The following EEA1 variants were observed in gnomAD, a reference collection of about 807,000 sequenced individuals.
EEA1 encodes early endosome antigen 1, 162kD.
In EEA1, 111 loss-of-function variants were observed where a neutral mutation model predicts 209.2. That is an observed-to-expected ratio of 0.53 (90% CI 0.45 to 0.62). EEA1 has a LOEUF of 0.62. EEA1 is among the 20% of genes least tolerant of loss of function. EEA1 has a pLI of 0.00. For missense variants in EEA1, 1,343 were observed against 1,530.8 expected (o/e 0.88, Z 2.05); for synonymous variants, 536 against 540.6 (o/e 0.99, Z 0.12).
intron 5 of EEA1, among the ~76,000 whole-genome samples, chr12:92,854,260 T>C (rs1877765429): frequency 6.6e-6 from 1 of 152,192 alleles, no homozygotes; most frequent in Non-Finnish European, 1.5e-5. Flanking sequence ...GCACAATTAT[T>C]GTAATTATAA....
At chr12:92,858,134 C>T (rs1417000192) in intron 3 of EEA1, 1 of 581,114 alleles carries the variant, frequency 1.7e-6, no homozygotes, top group Non-Finnish European at 3.2e-6. Flanking sequence ...GGGCACATTC[C>T]TCTTCACCTC....
At chr12:92,858,495 T>C in intron 3 of EEA1, 1 of 945,990 alleles carries the variant, frequency 1.1e-6, no homozygotes, top group South Asian at 1.3e-5. Flanking sequence ...GGGCTTGATG[T>C]TTGGCTACGC....
chr12:92,912,427 G>T (rs1880612996), intron 1 of EEA1, among the ~76,000 whole-genome samples: 1 of 152,126 alleles, frequency 6.6e-6, no homozygotes, highest in Non-Finnish European at 1.5e-5. Context: ...TCTGCACAAT[G>T]GGATTTGTTC....
intron 1 of EEA1, among the ~76,000 whole-genome samples, chr12:92,921,553 A>G (rs1880995608): frequency 8.3e-6 from 1 of 121,084 alleles, no homozygotes. Flanking sequence ...GAACAATGAG[A>G]TCACATGGAC....
chr12:92,832,417 T>C, intron 11 of EEA1, 95 bp downstream of exon 11: 2 of 1,189,440 alleles, frequency 1.7e-6, no homozygotes, highest in East Asian at 2.4e-5. Context: ...GACAATATTT[T>C]TTCAACATGA....
intron 1 of EEA1, among the ~76,000 whole-genome samples, chr12:92,927,643 G>C (rs117115254): frequency 2.2e-4 from 33 of 152,258 alleles, no homozygotes; most frequent in South Asian, 6.2e-4. Context: ...AACTATGACA[G>C]AAACACAATC....
intron 9 of EEA1, among the ~76,000 whole-genome samples, chr12:92,847,046 G>A (rs1270672121): frequency 2.6e-5 from 4 of 151,974 alleles, no homozygotes; most frequent in Non-Finnish European, 2.9e-5. Flanking sequence ...TCCACCTCCC[G>A]GGTTCAAGGG....
In EEA1 at chr12:92,780,238, A is replaced by G. The variant is rs1592698033; in HGVS notation, c.3468+42T>C. 1.9e-6 allele frequency: 3 copies of G among 1,561,752 alleles called. No individual in the cohort carries two copies. The East Asian group carries it at 6.9e-5, about 36-fold the overall frequency. Reference sequence around the variant, plus strand: ...GGGTATATATATTTCTTTAAAGAGCAATATAACACAGAAGGCAGGAGAAAT... The same window carrying G: ...GGGTATATATATTTCTTTAAAGAGCGATATAACACAGAAGGCAGGAGAAAT... On this transcript the variant is annotated intron_variant, in intron 24 of 28. Transcript: ENST00000322349.
At chr12:92,926,502 C>T (rs1412786806) in intron 1 of EEA1, among the ~76,000 whole-genome samples, 1 of 151,998 alleles carries the variant, frequency 6.6e-6, no homozygotes, top group Non-Finnish European at 1.5e-5. Context: ...TATATTCTAC[C>T]TTCTAAACTA....
Position 92,813,004 on chromosome 12 carries a change from T to C in EEA1, c.2019A>G (p.Gln673=). Reference sequence around the variant, plus strand: ...CCTGCTGTTTATCTTGTAATGCATTTTGAGCTGTGTCCAAATGATTCTGAA... The same window carrying C: ...CCTGCTGTTTATCTTGTAATGCATTCTGAGCTGTGTCCAAATGATTCTGAA... ...ADLQNHLDTA[Q]NALQDKQQEL... Residue 673 remains glutamine (Q), a synonymous_variant, in exon 16 of 29, where the codon CAA becomes CAG. Transcript: ENST00000322349. 3 of 1,591,734 alleles carry C rather than the reference T, an allele frequency of 1.9e-6. No individual in the cohort carries two copies. The highest frequency in any genetic ancestry group is 1.1e-5 in the South Asian group (1 of 88,038).
intron 18 of EEA1, among the ~76,000 whole-genome samples, chr12:92,807,236 G>A (rs1161534280): frequency 6.7e-6 from 1 of 149,836 alleles, no homozygotes; most frequent in African/African-American, 2.5e-5. Context: ...TTACAGGCAT[G>A]AGCCACAAGG....
At chr12:92,870,133 T>C (rs1200779512) in intron 2 of EEA1, among the ~76,000 whole-genome samples, 2 of 152,130 alleles carry the variant, frequency 1.3e-5, no homozygotes, top group Non-Finnish European at 2.9e-5. Flanking sequence ...GATTGTACCT[T>C]ATTCACCTAT....
At position 92,852,191 on chromosome 12, in the gene EEA1, T is replaced by A. The variant is rs561022661; in HGVS notation, c.626A>T (p.Asp209Val). 2 of 1,584,668 alleles carry A rather than the reference T, an allele frequency of 1.3e-6. No homozygotes were observed. Among genetic ancestry groups the A allele is most frequent in the African/African-American group, 2.7e-5 (2 of 73,194 alleles). The change falls in exon 8 of 29, where the codon GAT (aspartate) becomes GTT (valine). Residue 209 changes from aspartate to valine, a missense_variant. Around this residue, in one of 3 missense-constraint regions of EEA1, gnomAD observed 1,307 missense variants for 1,465.5 expected, o/e 0.89. Coordinates refer to ENST00000322349, the MANE Select transcript of EEA1 (RefSeq NM_003566.4). The part of the protein sequence containing the change: ...ELNKEATVIQ[D>V]LKTELLQRPG... Reference sequence around the variant, plus strand: ...CTAAATTACCAGTTCCGTCTTCAGATCTTGAATTACAGTTGCCTCTTTGTT... The same window carrying A: ...CTAAATTACCAGTTCCGTCTTCAGAACTTGAATTACAGTTGCCTCTTTGTT...
At chr12:92,850,308 G>A (rs1427374564) in intron 9 of EEA1, among the ~76,000 whole-genome samples, 1 of 152,192 alleles carries the variant, frequency 6.6e-6, no homozygotes, top group Non-Finnish European at 1.5e-5. Flanking sequence ...GGATCACTTA[G>A]CAGGGTTGGC....
At chr12:92,800,097 C>T (rs946335722) in intron 20 of EEA1, among the ~76,000 whole-genome samples, 11 of 152,032 alleles carry the variant, frequency 7.2e-5, no homozygotes, top group Non-Finnish European at 1.5e-4. Flanking sequence ...TGGCAGGCAC[C>T]TGTAATCCCA....
In EEA1 at chr12:92,876,176, G is replaced by A. The variant is rs190381123; in HGVS notation, c.118-11189C>T. Among the ~76,000 whole-genome samples, 326 of 152,168 alleles carry A rather than the reference G, an allele frequency of 2.1e-3. 2 individuals are homozygous for A. Among genetic ancestry groups the A allele is most frequent in the Middle Eastern group, 0.01 (3 of 294 alleles). ...CGGCCTCGAACTGCTGGGCTCAAGC[G>A]ATCCTCCCACCTTAGCCTCCCGAGT... is the stretch of plus-strand genomic sequence containing the variant. On this transcript the variant is annotated intron_variant, in intron 2 of 28. Coordinates refer to ENST00000322349, the MANE Select transcript of EEA1 (RefSeq NM_003566.4).
At chr12:92,902,168 T>C (rs1259516729) in intron 1 of EEA1, among the ~76,000 whole-genome samples, 3 of 152,092 alleles carry the variant, frequency 2.0e-5, no homozygotes, top group Non-Finnish European at 4.4e-5. Context: ...TACTCCACCC[T>C]GGGCAACAGA....
chr12:92,927,780 C>G lies in EEA1; in HGVS notation c.24+1263G>C, dbSNP rs150188627. 2.3e-3 allele frequency among the ~76,000 whole-genome samples: 353 copies of G among 152,310 alleles called. 3 individuals carry two copies. The highest frequency in any genetic ancestry group is 7.7e-3 in the African/African-American group (321 of 41,546). ...AGTGATGGGGAAAGTAAAGGACATG[C>G]CCTTGTTACTGCCAAAATCATCGCT... On this transcript the variant is annotated intron_variant, in intron 1 of 28. Transcript: ENST00000322349.
intron 2 of EEA1, among the ~76,000 whole-genome samples, chr12:92,880,963 T>A (rs1247485015): frequency 2.6e-5 from 4 of 152,178 alleles, no homozygotes; most frequent in Non-Finnish European, 5.9e-5. Context: ...GACAGACTGA[T>A]GAGTTCTTTG....
Sources: gnomAD v4.1 joint callset for allele counts (sites outside exome capture counted in the v4.1 genomes callset) on GRCh38, gnomAD v4.1.1 for gene constraint, gnomAD v4.1.1 regional missense constraint, MANE v1.5 for transcripts, NCBI Gene and HGNC (gene_info 2026-07-23, HGNC 2026-07-21) for gene names.